The following XAB2 variants were observed in gnomAD, a reference collection of about 807,000 sequenced individuals.
XAB2 encodes XPA binding protein 2.
A neutral mutation model predicts 113.4 loss-of-function variants in XAB2; 57 were observed. The ratio of observed to expected loss-of-function variants is 0.50; its 90% confidence interval spans 0.41 to 0.63. The LOEUF (loss-of-function observed/expected upper bound fraction) is 0.63. XAB2 is among the 20% of genes least tolerant of loss of function. The pLI is 0.00. For synonymous variants in XAB2, 497 were observed against 498.8 expected, an observed-to-expected ratio of 1.00 and a Z score of 0.05; for missense variants, 1,037 against 1,233.3, an observed-to-expected ratio of 0.84 and a Z score of 2.38.
chr19:7,624,203 T>C lies in XAB2; in HGVS notation c.967+98A>G. On this transcript the variant is annotated intron_variant, in intron 7 of 18. Coordinates refer to ENST00000358368, the MANE Select transcript of XAB2 (RefSeq NM_020196.3). This position sits in a 1 kb window ranked among gnomAD's most constrained non-coding sequence, Gnocchi z 4.2. ...GCCTCCTTCCCTGCTGGCCCCCAGC[T>C]GAGCCTCCCAGGGCTGCCTCACCTG... 2 of 1,571,802 alleles carry C rather than the reference T, an allele frequency of 1.3e-6. No individual in the cohort carries two copies. Among genetic ancestry groups the C allele is most frequent in the African/African-American group, 1.3e-5 (1 of 74,418 alleles).
rs1020036000 is a variant in XAB2 at position 7,625,187 on chromosome 19, G to A, written c.822+693C>T. Among the ~76,000 whole-genome samples, 1 of 152,208 alleles carries A rather than the reference G, an allele frequency of 6.6e-6. No homozygotes were observed. The highest frequency in any genetic ancestry group is 2.4e-5 in the African/African-American group (1 of 41,460). ...AGCTTGCCACTCCACTGCCTGCCAA[G>A]AGCCACAGTCAGCTAACCCCTGAGG... On this transcript the variant is annotated intron_variant, in intron 6 of 18. Transcript: ENST00000358368. The surrounding 1 kb of genome is among the most constrained non-coding windows in gnomAD (Gnocchi z 5.2).
chr19:7,628,675 G>A lies in XAB2; in HGVS notation c.52-377C>T, dbSNP rs2146190779. ...ACACCAGACCCCACTTCTTCAAAACGTGCCTCTTCCCAGACACCAGGCCTT... is the reference window on the plus strand; with the variant it reads ...ACACCAGACCCCACTTCTTCAAAACATGCCTCTTCCCAGACACCAGGCCTT... On this transcript the variant is annotated intron_variant, in intron 1 of 18. Transcript: ENST00000358368. This position sits in a 1 kb window ranked among gnomAD's most constrained non-coding sequence, Gnocchi z 4.6. Among the ~76,000 whole-genome samples, 1 of 152,056 alleles carries A rather than the reference G, an allele frequency of 6.6e-6. No individual in the cohort carries two copies. Among genetic ancestry groups the A allele is most frequent in the Middle Eastern group, 3.4e-3 (1 of 294 alleles).
rs1481786819 is a variant in XAB2 at position 7,619,614 on chromosome 19, G to T, written c.2540C>A (p.Ala847Glu). ...VRLEQQSVPA[A>E]VFGSLKED ...GTCTTCCTTCAGGCTCCCAAACACT[G>T]CGGCTGGCACGCTCTGCTGCTCCAG... The change falls in exon 19 of 19, where the codon GCA (alanine) becomes GAA (glutamate). Residue 847 changes from alanine to glutamate, a missense_variant. Ala to Glu is a moderately radical substitution (Grantham distance 107, BLOSUM62 -1). Coordinates refer to ENST00000358368, the MANE Select transcript of XAB2 (RefSeq NM_020196.3). 6.2e-7 allele frequency: 1 copy of T among 1,602,676 alleles called. No homozygotes were observed. The highest frequency in any genetic ancestry group is 1.3e-5 in the African/African-American group (1 of 74,810).
Position 7,627,711 on chromosome 19 carries a change from C to T in XAB2, c.324+17G>A, listed in dbSNP as rs759452473. The T allele has an allele frequency of 1.9e-6, 3 of 1,613,330 alleles. No homozygotes were observed. Among genetic ancestry groups the T allele is most frequent in the African/African-American group, 1.3e-5 (1 of 74,912 alleles). On this transcript the variant is annotated intron_variant, in intron 3 of 18. Transcript: ENST00000358368. The surrounding 1 kb of genome is among the most constrained non-coding windows in gnomAD (Gnocchi z 4.5). ...TGAGCTCCACTTCCCGATTCATCCCCTCGCCGAGCCCCAAACCTTGTGCAT... is the reference window on the plus strand; with the variant it reads ...TGAGCTCCACTTCCCGATTCATCCCTTCGCCGAGCCCCAAACCTTGTGCAT...
intron 12 of XAB2, 115 bp downstream of exon 12, chr19:7,622,216 G>A (rs1396771039): frequency 4.0e-6 from 4 of 994,862 alleles, no homozygotes; most frequent in African/African-American, 3.2e-5. Context: ...TGTTGTTTAA[G>A]TCACCCAGTC....
chr19:7,627,622 C>G lies in XAB2; in HGVS notation c.324+106G>C, dbSNP rs2031167161. The G allele has an allele frequency of 6.4e-7, 1 of 1,556,198 alleles. No individual in the cohort carries two copies. The highest frequency in any genetic ancestry group is 8.7e-7 in the Non-Finnish European group (1 of 1,147,574). ...TCCCATGCAAAGAAGCAACAGGAAT[C>G]CAAGCCCCCATCCCTAACATGCTGA... On this transcript the variant is annotated intron_variant, in intron 3 of 18. Coordinates refer to ENST00000358368, the MANE Select transcript of XAB2 (RefSeq NM_020196.3). The surrounding 1 kb of genome is among the most constrained non-coding windows in gnomAD (Gnocchi z 4.5).
chr19:7,623,748 G>T lies in XAB2; in HGVS notation c.1102C>A (p.Gln368Lys), dbSNP rs1461359487. The T allele has an allele frequency of 6.2e-7, 1 of 1,606,874 alleles. No individual in the cohort carries two copies. The change falls in exon 8 of 19, where the codon CAG (glutamine) becomes AAG (lysine). Residue 368 changes from glutamine to lysine, a missense_variant. Physicochemically the swap from Gln to Lys is moderately conservative, Grantham distance 53. Transcript: ENST00000358368. The surrounding 1 kb of genome is among the most constrained non-coding windows in gnomAD (Gnocchi z 4.6). ...HEWHKRVALH[Q>K]GRPREIINTY... ...TCATGTACCTCCCGGGGGCGGCCCT[G>T]GTGCAGGGCGACACGCTTGTGCCAC...
rs151052873 is a variant in XAB2 at position 7,619,536 on chromosome 19, C to G, written c.*50G>C. On this transcript the variant is annotated 3_prime_UTR_variant, in exon 19 of 19. Transcript: ENST00000358368. Reference sequence around the variant, plus strand: ...GGAGGCTCAGACCATGATGTACAAACGTAGCTGTATTGGGGAGGGGGTGGG... The same window carrying G: ...GGAGGCTCAGACCATGATGTACAAAGGTAGCTGTATTGGGGAGGGGGTGGG... 5.3e-6 allele frequency: 7 copies of G among 1,332,922 alleles called. No homozygotes were observed. The highest frequency in any genetic ancestry group is 7.0e-6 in the Non-Finnish European group (7 of 1,004,482). 82.6% of individuals were successfully genotyped at this position (1,332,922 alleles called of 1,614,324 possible). A position where few individuals can be genotyped will look rare whatever the true frequency, so the allele number is the denominator to read the frequency against.
chr19:7,622,270 G>A (rs542024542), intron 12 of XAB2, 61 bp downstream of exon 12: 51 of 1,516,164 alleles, frequency 3.4e-5, no homozygotes, highest in East Asian at 1.1e-4. Flanking sequence ...GTAAGTTGCT[G>A]AGGACCCCTG....
Position 7,627,804 on chromosome 19 carries a change from T to C in XAB2, c.248A>G (p.Lys83Arg). 6.2e-7 allele frequency: 1 copy of C among 1,614,024 alleles called. No individual in the cohort carries two copies. The highest frequency in any genetic ancestry group is 8.5e-7 in the Non-Finnish European group (1 of 1,180,006). ...RYLKARRAQV[K>R]HRCVTDPAYE... ...GGCAGGGTCGGTCACACAGCGATGC[T>C]TCACCTGTGCCCGACGCGCCTTCAG... Residue 83 changes from lysine to arginine, a missense_variant, in exon 3 of 19, where the codon AAG (lysine) becomes AGG (arginine). Coordinates refer to ENST00000358368, the MANE Select transcript of XAB2 (RefSeq NM_020196.3). This position sits in a 1 kb window ranked among gnomAD's most constrained non-coding sequence, Gnocchi z 4.5.
At chr19:7,621,615 C>T (rs2031035918) in intron 12 of XAB2, 1 of 398,832 alleles carries the variant, frequency 2.5e-6, no homozygotes, top group African/African-American at 2.0e-5. Context: ...GAGAAGGCCG[C>T]ACCCCCTGAC....
Position 7,624,548 on chromosome 19 carries a change from G to C in XAB2, c.823-103C>G. The stretch of plus-strand genomic sequence containing the variant: ...AATGTGGAACCCCTGGGGGCCTTCT[G>C]GGTAGTGACGCATCCAGCACCTCTG... On this transcript the variant is annotated intron_variant, in intron 6 of 18. Transcript: ENST00000358368. This position sits in a 1 kb window ranked among gnomAD's most constrained non-coding sequence, Gnocchi z 4.2. The C allele has an allele frequency of 6.5e-7, 1 of 1,537,406 alleles. No homozygotes were observed. Among genetic ancestry groups the C allele is most frequent in the Admixed American group, 1.8e-5 (1 of 56,148 alleles).
In XAB2 at chr19:7,619,615, C is replaced by A; in HGVS notation, c.2539G>T (p.Ala847Ser). The A allele has an allele frequency of 6.2e-7, 1 of 1,602,070 alleles. No homozygotes were observed. The change falls in exon 19 of 19, where the codon GCA (alanine) becomes TCA (serine). Residue 847 changes from alanine to serine, a missense_variant. By Grantham distance (99) the Ala-to-Ser change is moderately conservative (BLOSUM62 1). Coordinates refer to ENST00000358368, the MANE Select transcript of XAB2 (RefSeq NM_020196.3). ...TCTTCCTTCAGGCTCCCAAACACTG[C>A]GGCTGGCACGCTCTGCTGCTCCAGC... The part of the protein sequence containing the change: ...VRLEQQSVPA[A>S]VFGSLKED
Position 7,627,612 on chromosome 19 carries a change from C to T in XAB2, c.324+116G>A. 1.3e-6 allele frequency: 2 copies of T among 1,545,260 alleles called. No individual in the cohort carries two copies. The highest frequency in any genetic ancestry group is 2.4e-5 in the South Asian group (2 of 82,540). On this transcript the variant is annotated intron_variant, in intron 3 of 18. Transcript: ENST00000358368. The surrounding 1 kb of genome is among the most constrained non-coding windows in gnomAD (Gnocchi z 4.5). ...CAGCCCAACTTCCCATGCAAAGAAG[C>T]AACAGGAATCCAAGCCCCCATCCCT... is the stretch of plus-strand genomic sequence containing the variant.
At position 7,623,295 on chromosome 19, in the gene XAB2, G is replaced by A; in HGVS notation, c.1120-6C>T. On this transcript the variant is annotated splice_polypyrimidine_tract_variant and splice_region_variant and intron_variant, in intron 8 of 18. Transcript: ENST00000358368. The surrounding 1 kb of genome is among the most constrained non-coding windows in gnomAD (Gnocchi z 4.6). ...TCTGTGTAGGTGTTGATGATCTGGG[G>A]ACAGGAGGGAGGAGGTCATATAGGA... 1 of 1,613,216 alleles carries A rather than the reference G, an allele frequency of 6.2e-7. No homozygotes were observed. Among genetic ancestry groups the A allele is most frequent in the Non-Finnish European group, 8.5e-7 (1 of 1,179,972 alleles).
rs888096890 is a variant in XAB2, at chr19:7,623,978, C to G, written c.968-96G>C. On this transcript the variant is annotated intron_variant, in intron 7 of 18. Coordinates refer to ENST00000358368, the MANE Select transcript of XAB2 (RefSeq NM_020196.3). This position sits in a 1 kb window ranked among gnomAD's most constrained non-coding sequence, Gnocchi z 4.6. ...CTCCCCACCCTCACTCCGCTCCAGC[C>G]CCCAGCCAAGTGCTCTGGGCCCTAG... 7.1e-7 allele frequency: 1 copy of G among 1,415,766 alleles called. No individual in the cohort carries two copies. The highest frequency in any genetic ancestry group is 2.4e-5 in the Admixed American group (1 of 41,526). The allele number at this position is 1,415,766 out of a possible 1,614,324, so 87.7% of individuals were successfully genotyped here.
rs1268111096 is a variant in XAB2, at chr19:7,624,252, A to C, written c.967+49T>G. 2 of 1,606,150 alleles carry C rather than the reference A, an allele frequency of 1.2e-6. No homozygotes were observed. Among genetic ancestry groups the C allele is most frequent in the Admixed American group, 1.7e-5 (1 of 59,954 alleles). On this transcript the variant is annotated intron_variant, in intron 7 of 18. Transcript: ENST00000358368. The surrounding 1 kb of genome is among the most constrained non-coding windows in gnomAD (Gnocchi z 4.2). ...TGAGATGTGTCCCGCCCCTACCGCT[A>C]ATGTCCACTCAGCTCTCTCCCCACC...
At position 7,622,462 on chromosome 19, in the gene XAB2, G is replaced by C; in HGVS notation, c.1504-18C>G. ...TTGGTGGACTGCAGGGGTGGGGATG[G>C]GAAAGGTTGGAGCTGGTTCTGGAGC... On this transcript the variant is annotated intron_variant, in intron 11 of 18. Coordinates refer to ENST00000358368, the MANE Select transcript of XAB2 (RefSeq NM_020196.3). 6.2e-7 allele frequency: 1 copy of C among 1,614,038 alleles called. No homozygotes were observed. Among genetic ancestry groups the C allele is most frequent in the Non-Finnish European group, 8.5e-7 (1 of 1,180,036 alleles).
chr19:7,627,429 C>T lies in XAB2; in HGVS notation c.336G>A (p.Leu112=). The T allele has an allele frequency of 6.2e-7, 1 of 1,604,746 alleles. No individual in the cohort carries two copies. Among genetic ancestry groups the T allele is most frequent in the Non-Finnish European group, 8.5e-7 (1 of 1,176,778 alleles). Residue 112 remains leucine, a synonymous_variant, in exon 4 of 19, where the codon CTG becomes CTA. Coordinates refer to ENST00000358368, the MANE Select transcript of XAB2 (RefSeq NM_020196.3). This position sits in a 1 kb window ranked among gnomAD's most constrained non-coding sequence, Gnocchi z 4.5. Reference sequence around the variant, plus strand: ...TGAGGAACTGGCAGTAATCTAGCCACAGACGAGGCATCTGGGGGTGTGGGG... The same window carrying T: ...TGAGGAACTGGCAGTAATCTAGCCATAGACGAGGCATCTGGGGGTGTGGGG... ...AFVFMHKMPR[L]WLDYCQFLMD...
Sources: gnomAD v4.1 joint callset for allele counts (sites outside exome capture counted in the v4.1 genomes callset) on GRCh38, gnomAD v4.1.1 for gene constraint, Gnocchi (gnomAD v3.1) non-coding constraint, MANE v1.5 for transcripts, NCBI Gene and HGNC (gene_info 2026-07-23, HGNC 2026-07-21) for gene names.